The following RIPK1 variants were observed in gnomAD, a reference collection of about 807,000 sequenced individuals.
The protein encoded by RIPK1 is receptor interacting serine/threonine kinase 1.
RIPK1 carries 27 observed loss-of-function variants against 62.4 expected under a neutral mutation model. That is an observed-to-expected ratio of 0.43 (90% confidence interval 0.32 to 0.60). The LOEUF (loss-of-function observed/expected upper bound fraction) is 0.60, where lower values mean the gene tolerates loss of function less well. Ranked by LOEUF, RIPK1 falls within the 20% of genes least tolerant of loss-of-function variation. The pLI is 0.07. For synonymous variants in RIPK1, 287 were observed against 303.2 expected (o/e 0.95, Z 0.55); for missense variants, 735 against 831.0 (o/e 0.88, Z 1.42).
chr6:3,105,061 A>G lies in RIPK1; in HGVS notation c.1007-421A>G, dbSNP rs1196943121. On this transcript the variant is annotated intron_variant, in intron 8 of 10. Transcript: ENST00000259808. The surrounding 1 kb of genome is among the most constrained non-coding windows in gnomAD (Gnocchi z 4.5). ...GAGATGGGGTTTCGCCATGTTGGCC[A>G]GGCTGGTCTCGAACTCCTGACCTCA... Among the ~76,000 whole-genome samples the G allele has an allele frequency of 2.0e-5, 3 of 152,178 alleles. No individual in the cohort carries two copies. The highest frequency in any genetic ancestry group is 4.4e-5 in the Non-Finnish European group (3 of 68,038).
At chr6:3,067,588 T>G (rs1465424240), upstream of RIPK1, among the ~76,000 whole-genome samples, 6 of 128,024 alleles carry the variant, frequency 4.7e-5, no homozygotes, top group African/African-American at 1.6e-4. Flanking sequence ...TATTGTTGCA[T>G]TTTAAGAGGG....
At chr6:3,083,351 C>T in intron 5 of RIPK1, 38 bp downstream of exon 5, 1 of 1,525,772 alleles carries the variant, frequency 6.6e-7, no homozygotes, top group Non-Finnish European at 8.9e-7. Flanking sequence ...GTCCCCTCAG[C>T]ATCTACACGC....
At chr6:3,097,557 G>A (rs1760380214) in intron 7 of RIPK1, among the ~76,000 whole-genome samples, 1 of 152,120 alleles carries the variant, frequency 6.6e-6, no homozygotes, top group African/African-American at 2.4e-5. Flanking sequence ...AAATGAAATT[G>A]GGCTTCTACC....
rs561115645 is a variant in RIPK1 at position 3,105,521 on chromosome 6, T to G, written c.1046T>G (p.Leu349Arg). Residue 349 changes from leucine (L) to arginine (R), a missense_variant, in exon 9 of 11, where the codon CTT becomes CGT. Physicochemically the swap from Leu to Arg is moderately radical, Grantham distance 102 (BLOSUM62 -2). Around this residue, in one of 2 missense-constraint regions of RIPK1, gnomAD observed 671 missense variants for 726.2 expected, o/e 0.92. Coordinates refer to ENST00000259808, the MANE Select transcript of RIPK1 (RefSeq NM_001354930.2). The surrounding 1 kb of genome is among the most constrained non-coding windows in gnomAD (Gnocchi z 4.5). ...QPGSLHSSQG[L>R]GMGPVEESWF... is the part of the protein sequence containing the mutation. Reference sequence around the variant, plus strand: ...GGTTCACTGCACAGTTCCCAGGGACTTGGGATGGGTCCTGTGGAGGAGTCC... The same window carrying G: ...GGTTCACTGCACAGTTCCCAGGGACGTGGGATGGGTCCTGTGGAGGAGTCC... 5 of 1,586,352 alleles carry G rather than the reference T, an allele frequency of 3.2e-6. No homozygotes were observed. The highest frequency in any genetic ancestry group is 1.4e-5 in the African/African-American group (1 of 73,778).
intron 1 of RIPK1, among the ~76,000 whole-genome samples, chr6:3,073,119 C>T (rs537010294): frequency 1.8e-4 from 28 of 151,876 alleles, no homozygotes; most frequent in African/African-American, 4.6e-4. Flanking sequence ...TACATATATA[C>T]GCATATACAA....
chr6:3,068,480 G>A, upstream of RIPK1: 2 of 985,328 alleles, frequency 2.0e-6, no homozygotes, highest in South Asian at 4.7e-5. Flanking sequence ...GCAGGGGGAG[G>A]AGGCAGCGCG....
intron 3 of RIPK1, among the ~76,000 whole-genome samples, chr6:3,079,742 AC>A (rs1177331129): frequency 4.6e-5 from 7 of 152,204 alleles, no homozygotes; most frequent in African/African-American, 1.7e-4. Context: ...GATCACTTAT[AC>A]GCATGGTATT....
At chr6:3,108,043 T>C (rs879614510) in intron 9 of RIPK1, among the ~76,000 whole-genome samples, 5 of 151,708 alleles carry the variant, frequency 3.3e-5, no homozygotes, top group Non-Finnish European at 7.4e-5. Flanking sequence ...GTCCTAACTC[T>C]ATACCAAAAT....
At chr6:3,086,572 C>T (rs1039166641) in intron 6 of RIPK1, among the ~76,000 whole-genome samples, 6 of 152,214 alleles carry the variant, frequency 3.9e-5, no homozygotes, top group East Asian at 1.9e-4. Flanking sequence ...ATTTTACTTA[C>T]GTCTCCCCTT....
In RIPK1 at chr6:3,068,631, G is replaced by A; in HGVS notation, c.-91G>A. On this transcript the variant is annotated 5_prime_UTR_variant, in exon 1 of 11. Transcript: ENST00000259808. ...GGCCGACGGAGCGCGGCAGGACTTG[G>A]CTGGACGGCGCGGCCACGGAGAAGG... 2.0e-6 allele frequency: 2 copies of A among 985,380 alleles called. No homozygotes were observed. Among genetic ancestry groups the A allele is most frequent in the Non-Finnish European group, 2.4e-6 (2 of 829,960 alleles). 61.0% of individuals were successfully genotyped at this position (985,380 alleles called of 1,614,324 possible).
At chr6:3,087,249 T>G (rs145920621) in intron 6 of RIPK1, among the ~76,000 whole-genome samples, 41 of 152,300 alleles carry the variant, frequency 2.7e-4, no homozygotes, top group African/African-American at 9.6e-4. Context: ...TTCTTAAATC[T>G]GTAGGTTTAT....
chr6:3,078,060 A>G lies in RIPK1; in HGVS notation c.321+125A>G, dbSNP rs956579305. On this transcript the variant is annotated intron_variant, in intron 3 of 10. Coordinates refer to ENST00000259808, the MANE Select transcript of RIPK1 (RefSeq NM_001354930.2). ...ATTTGCAAATTGCTTGGTAGTTTGAATTTTCTTTTCCTTTTTTTATAGAGA... is the reference window on the plus strand; with the variant it reads ...ATTTGCAAATTGCTTGGTAGTTTGAGTTTTCTTTTCCTTTTTTTATAGAGA... The G allele has an allele frequency of 8.8e-6, 8 of 905,988 alleles. No individual in the cohort carries two copies. In the Admixed American group the frequency reaches 2.3e-4, roughly 26 times the overall value. The allele number at this position is 905,988 out of a possible 1,614,324, so 56.1% of individuals were successfully genotyped here. A position where few individuals can be genotyped will look rare whatever the true frequency, so the allele number is the denominator to read the frequency against.
intron 7 of RIPK1, among the ~76,000 whole-genome samples, chr6:3,096,075 C>T (rs1375393252): frequency 3.9e-5 from 6 of 152,134 alleles, no homozygotes; most frequent in Non-Finnish European, 8.8e-5. Flanking sequence ...GAGCTCAAGC[C>T]ATCTGCCCTC....
At chr6:3,066,850 C>G (rs921082491), upstream of RIPK1, among the ~76,000 whole-genome samples, 2 of 152,154 alleles carry the variant, frequency 1.3e-5, no homozygotes, top group African/African-American at 4.8e-5. Context: ...CCTGTAACGT[C>G]AGACTCCACT....
chr6:3,106,618 GA>G (rs1760862977), intron 9 of RIPK1, among the ~76,000 whole-genome samples: 1 of 152,152 alleles, frequency 6.6e-6, no homozygotes, highest in African/African-American at 2.4e-5. Flanking sequence ...TTAACTACCT[GA>G]ACAGCATCTA....
chr6:3,083,068 C>T lies in RIPK1; in HGVS notation c.460-17C>T. ...GGCCTTCACCAAACAATCCCAGTGG[C>T]TCAATGTCTTTCGCAGATCGCAGAC... On this transcript the variant is annotated splice_polypyrimidine_tract_variant and intron_variant, in intron 4 of 10. Coordinates refer to ENST00000259808, the MANE Select transcript of RIPK1 (RefSeq NM_001354930.2). 1.2e-6 allele frequency: 2 copies of T among 1,612,186 alleles called. No homozygotes were observed. The highest frequency in any genetic ancestry group is 2.2e-5 in the East Asian group (1 of 44,874).
chr6:3,075,413 T>G (rs923183627), intron 1 of RIPK1, among the ~76,000 whole-genome samples: 3 of 152,244 alleles, frequency 2.0e-5, no homozygotes, highest in African/African-American at 7.2e-5. Flanking sequence ...CTGATGGACA[T>G]TCTCCAAATT....
chr6:3,097,500 CTT>C (rs1239091511), intron 7 of RIPK1, among the ~76,000 whole-genome samples: 2 of 152,184 alleles, frequency 1.3e-5, no homozygotes, highest in African/African-American at 4.8e-5. Context: ...AAGTGACAGT[CTT>C]TTCAGTAAAT....
chr6:3,105,381 T>C lies in RIPK1; in HGVS notation c.1007-101T>C, dbSNP rs897495521. 1.1e-6 allele frequency: 1 copy of C among 907,364 alleles called. No homozygotes were observed. The highest frequency in any genetic ancestry group is 2.4e-5 in the East Asian group (1 of 41,188). 56.2% of individuals were successfully genotyped at this position (907,364 alleles called of 1,614,324 possible). A position where few individuals can be genotyped will look rare whatever the true frequency, so the allele number is the denominator to read the frequency against. ...TTGGACTGGTCTCGTACTTGTTTTC[T>C]GTGTGTTACTTTGAGATACAGATTC... On this transcript the variant is annotated intron_variant, in intron 8 of 10. Coordinates refer to ENST00000259808, the MANE Select transcript of RIPK1 (RefSeq NM_001354930.2). This position sits in a 1 kb window ranked among gnomAD's most constrained non-coding sequence, Gnocchi z 4.5.
Sources: allele counts gnomAD v4.1 joint callset (sites outside exome capture counted in the v4.1 genomes callset), GRCh38; gene constraint gnomAD v4.1.1; regional missense constraint gnomAD v4.1.1; non-coding constraint Gnocchi (gnomAD v3.1); transcripts MANE v1.5; gene names NCBI Gene and HGNC (gene_info 2026-07-23, HGNC 2026-07-21).